Variants in ASCC3 observed in about 807,000 individuals in gnomAD.
The protein encoded by ASCC3 is ASC-1 complex subunit P200.
Under a neutral mutation model 256.3 loss-of-function variants are expected in ASCC3, and 158 were observed. The ratio of observed to expected loss-of-function variants is 0.62; its 90% CI spans 0.54 to 0.70. ASCC3 has a LOEUF of 0.70. Ranked by LOEUF, ASCC3 falls within the 30% of genes least tolerant of loss-of-function variation. ASCC3 has a pLI of 0.00. For synonymous variants in ASCC3, 948 were observed against 883.4 expected (o/e 1.07, Z -1.30); for missense variants, 2,259 against 2,626.0 (o/e 0.86, Z 3.05).
chr6:100,629,688 T>G (rs1218225371), intron 26 of ASCC3, among the ~76,000 whole-genome samples: 1 of 152,126 alleles, frequency 6.6e-6, no homozygotes, highest in African/African-American at 2.4e-5. Flanking sequence ...TCTATAGATT[T>G]TATAGCCAAA....
At chr6:100,699,869 C>A (rs1362421490) in intron 13 of ASCC3, among the ~76,000 whole-genome samples, 1 of 152,084 alleles carries the variant, frequency 6.6e-6, no homozygotes, top group Admixed American at 6.5e-5. Flanking sequence ...AGGGTATCTG[C>A]TGGAAGAAAT....
Position 100,650,687 on chromosome 6 carries a change from C to G in ASCC3, c.3103G>C (p.Asp1035His), listed in dbSNP as rs201680342. 2.5e-6 allele frequency: 4 copies of G among 1,611,450 alleles called. No homozygotes were observed. Among genetic ancestry groups the G allele is most frequent in the Admixed American group, 3.3e-5 (2 of 59,926 alleles). ...TCACAAAAATTGCTTAATAAGGTAT[C>G]TAACTCCTCTATTTCCTCTTCTCTG... The part of the protein sequence containing the change: ...KVREEEIEEL[D>H]TLLSNFCELS... The change falls in exon 20 of 42, where the codon GAT (aspartate) becomes CAT (histidine). Residue 1035 changes from aspartate to histidine, a missense_variant. Physicochemically the swap from Asp to His is moderately conservative, Grantham distance 81 (BLOSUM62 -1). Transcript: ENST00000369162.
intron 37 of ASCC3, among the ~76,000 whole-genome samples, chr6:100,532,463 A>G (rs1457823252): frequency 2.1e-5 from 3 of 146,120 alleles, no homozygotes; most frequent in African/African-American, 7.6e-5. Flanking sequence ...TTATGCTGAA[A>G]ATGATCATTT....
intron 37 of ASCC3, among the ~76,000 whole-genome samples, chr6:100,539,231 G>T (rs1775319125): frequency 6.6e-6 from 1 of 152,140 alleles, no homozygotes; most frequent in African/African-American, 2.4e-5. Flanking sequence ...TATGGTTTCA[G>T]ATTCCATATT....
In ASCC3 at chr6:100,767,130, G is replaced by A. The variant is rs1283569958; in HGVS notation, c.1596+15C>T. ...CTTACAATTTAAAAAGCTGTTGTCTGATTTATTTACTTACCTTAAATTCAT... is the reference window on the plus strand; with the variant it reads ...CTTACAATTTAAAAAGCTGTTGTCTAATTTATTTACTTACCTTAAATTCAT... On this transcript the variant is annotated intron_variant, in intron 9 of 41. Coordinates refer to ENST00000369162, the MANE Select transcript of ASCC3 (RefSeq NM_006828.4). 1.2e-6 allele frequency: 2 copies of A among 1,609,226 alleles called. No homozygotes were observed.
At chr6:100,588,483 T>A (rs894245336) in intron 36 of ASCC3, among the ~76,000 whole-genome samples, 1 of 152,138 alleles carries the variant, frequency 6.6e-6, no homozygotes, top group Admixed American at 6.5e-5. Flanking sequence ...CTTAAGGATC[T>A]AAAAAATTCT....
intron 13 of ASCC3, among the ~76,000 whole-genome samples, chr6:100,705,921 T>C (rs540794060): frequency 6.6e-6 from 1 of 152,128 alleles, no homozygotes; most frequent in South Asian, 2.1e-4. Flanking sequence ...ATTGGTAATA[T>C]TGTTATTAAC....
intron 4 of ASCC3, among the ~76,000 whole-genome samples, chr6:100,833,191 A>C (rs1771704421): frequency 6.6e-6 from 1 of 152,206 alleles, no homozygotes; most frequent in Non-Finnish European, 1.5e-5. Flanking sequence ...TGCTAAGAAA[A>C]GAAACCAATC....
At chr6:100,700,798 T>C (rs1381086028) in intron 13 of ASCC3, among the ~76,000 whole-genome samples, 1 of 152,246 alleles carries the variant, frequency 6.6e-6, no homozygotes, top group Non-Finnish European at 1.5e-5. Context: ...GCTGTATTTA[T>C]CCAATGCCTG....
intron 4 of ASCC3, among the ~76,000 whole-genome samples, chr6:100,839,369 T>C (rs1477368161): frequency 1.3e-5 from 2 of 152,128 alleles, no homozygotes; most frequent in African/African-American, 4.8e-5. Context: ...AGTATGAAAT[T>C]TGTCAAACTT....
intron 34 of ASCC3, among the ~76,000 whole-genome samples, chr6:100,600,651 T>C (rs538993630): frequency 6.6e-6 from 1 of 152,202 alleles, no homozygotes; most frequent in East Asian, 1.9e-4. Context: ...ATGACTTCTC[T>C]AAGACTTTAC....
intron 33 of ASCC3, among the ~76,000 whole-genome samples, chr6:100,605,229 C>T (rs1002297342): frequency 1.3e-5 from 2 of 152,090 alleles, no homozygotes; most frequent in African/African-American, 4.8e-5. Context: ...GGTCTTGCTA[C>T]CATCTCCATT....
Position 100,517,982 on chromosome 6 carries a change from A to C in ASCC3, c.5927+9T>G. On this transcript the variant is annotated intron_variant, in intron 38 of 41. Coordinates refer to ENST00000369162, the MANE Select transcript of ASCC3 (RefSeq NM_006828.4). ...ACAAAACAATTACATTGAAAAGTAA[A>C]ACAATTACTTGAAAAGGTGAAGATG... is the stretch of plus-strand genomic sequence containing the variant. 6.2e-7 allele frequency: 1 copy of C among 1,612,524 alleles called. No homozygotes were observed. The highest frequency in any genetic ancestry group is 8.5e-7 in the Non-Finnish European group (1 of 1,178,808).
intron 36 of ASCC3, among the ~76,000 whole-genome samples, chr6:100,557,491 C>T (rs1340854713): frequency 2.0e-5 from 3 of 151,952 alleles, no homozygotes; most frequent in Non-Finnish European, 4.4e-5. Flanking sequence ...TATAATAAAA[C>T]GTTTGCCTTG....
chr6:100,662,332 G>A lies in ASCC3; in HGVS notation c.2478+13C>T, dbSNP rs753545549. 8 of 1,610,618 alleles carry A rather than the reference G, an allele frequency of 5.0e-6. No homozygotes were observed. The South Asian group carries it at 5.5e-5, about 11-fold the overall frequency. On this transcript the variant is annotated intron_variant, in intron 15 of 41. Coordinates refer to ENST00000369162, the MANE Select transcript of ASCC3 (RefSeq NM_006828.4). ...CACACAAAATCCATTTATCAAGGAA[G>A]GTAAGCTCTTACCTTAATAATAACA...
At position 100,647,332 on chromosome 6, in the gene ASCC3, A is replaced by C. The variant is rs1775430613; in HGVS notation, c.3372T>G (p.Ala1124=). 1.2e-6 allele frequency: 2 copies of C among 1,613,918 alleles called. No individual in the cohort carries two copies. Among genetic ancestry groups the C allele is most frequent in the Non-Finnish European group, 1.7e-6 (2 of 1,179,964 alleles). ...KVIDKRLWGW[A]SPLRQFSILP... Reference sequence around the variant, plus strand: ...GGATTGAAAATTGTCTCAAAGGGCTAGCCCAACCCCAAAGCCTCTTGTCAA... The same window carrying C: ...GGATTGAAAATTGTCTCAAAGGGCTCGCCCAACCCCAAAGCCTCTTGTCAA... The change falls in exon 21 of 42, where the codon GCT becomes GCG. Residue 1124 remains alanine, a synonymous_variant. Transcript: ENST00000369162.
intron 20 of ASCC3, among the ~76,000 whole-genome samples, chr6:100,649,401 G>C (rs9497979): frequency 0.095 from 14,350 of 151,376 alleles, 1,620 homozygotes; most frequent in East Asian, 0.45. Context: ...CAGAAAAACA[G>C]ATAAAACAAA....
intron 32 of ASCC3, 64 bp from the exon 33 acceptor site, chr6:100,605,764 A>T: frequency 1.3e-6 from 2 of 1,534,260 alleles, no homozygotes; most frequent in Non-Finnish European, 1.8e-6. Context: ...ATATTTACTG[A>T]TTATGGCATG....
intron 37 of ASCC3, among the ~76,000 whole-genome samples, chr6:100,536,920 T>C (rs918680262): frequency 1.3e-5 from 2 of 152,042 alleles, no homozygotes; most frequent in Non-Finnish European, 2.9e-5. Flanking sequence ...CTTACATAAA[T>C]AAATAACTGA....
Sources: allele counts gnomAD v4.1 joint callset (sites outside exome capture counted in the v4.1 genomes callset), GRCh38; gene constraint gnomAD v4.1.1; transcripts MANE v1.5; gene names NCBI Gene and HGNC (gene_info 2026-07-23, HGNC 2026-07-21).